Variants in CNTNAP2 observed in about 807,000 individuals in gnomAD.
CNTNAP2 encodes contactin-associated protein-like 2.
In CNTNAP2, 98 loss-of-function variants were observed where a neutral mutation model predicts 155.2. The observed-to-expected ratio is 0.63, with a 90% CI of 0.54 to 0.75. The LOEUF (loss-of-function observed/expected upper bound fraction) is 0.75, where lower values mean the gene tolerates loss of function less well. CNTNAP2 is among the 30% of genes least tolerant of loss of function. The pLI, the probability that CNTNAP2 is intolerant of heterozygous loss-of-function variation, is 0.00. For missense variants in CNTNAP2, 1,727 were observed against 1,688.1 expected, an observed-to-expected ratio of 1.02 and a Z score of -0.40; for synonymous variants, 651 against 631.2, an observed-to-expected ratio of 1.03 and a Z score of -0.47.
chr7:148,106,493 G>GAGAGATATATATATATATATATATAT (rs1554472856), intron 15 of CNTNAP2, among the ~76,000 whole-genome samples: 1 of 124,926 alleles, frequency 8.0e-6, no homozygotes, highest in African/African-American at 3.5e-5. Flanking sequence ...CACACTTTGA[G>GAGAGATATATATATATATATATATAT]ATATATATAT....
At chr7:148,053,657 A>G (rs1022213028) in intron 15 of CNTNAP2, among the ~76,000 whole-genome samples, 1 of 152,186 alleles carries the variant, frequency 6.6e-6, no homozygotes, top group Non-Finnish European at 1.5e-5. Flanking sequence ...TGATTAAATA[A>G]CCAATAAATA....
intron 1 of CNTNAP2, among the ~76,000 whole-genome samples, chr7:146,669,627 C>T (rs913310813): frequency 1.3e-5 from 2 of 151,964 alleles, no homozygotes; most frequent in African/African-American, 2.4e-5. Context: ...TTGAACATCC[C>T]GTAGATACCT....
At chr7:146,447,703 A>G (rs1639466) in intron 1 of CNTNAP2, among the ~76,000 whole-genome samples, 5,421 of 152,054 alleles carry the variant, frequency 0.036, 343 homozygotes, top group African/African-American at 0.12. Context: ...TCAGATTGCA[A>G]TAATCACAGA....
intron 15 of CNTNAP2, among the ~76,000 whole-genome samples, chr7:148,011,958 G>C (rs10273493): frequency 0.066 from 10,042 of 152,270 alleles, 754 homozygotes; most frequent in African/African-American, 0.19. Flanking sequence ...GGAGCCCAGG[G>C]CACTTTCCTG....
rs555448789 is a variant in CNTNAP2 at position 146,162,287 on chromosome 7, A to AT, written c.97+45315dup. ...ATCTGACAAAGGGCTAATATCCAGA[A>AT]TCTACAAAGAACAAATTTACAAGAA... On this transcript the variant is annotated intron_variant, in intron 1 of 23. Transcript: ENST00000361727. Among the ~76,000 whole-genome samples, 627 of 152,334 alleles carry AT rather than the reference A, an allele frequency of 4.1e-3. 4 individuals are homozygous for AT. Among genetic ancestry groups the AT allele is most frequent in the Middle Eastern group, 0.017 (5 of 294 alleles).
chr7:146,524,502 T>C (rs1386155491), intron 1 of CNTNAP2, among the ~76,000 whole-genome samples: 1 of 152,178 alleles, frequency 6.6e-6, no homozygotes, highest in African/African-American at 2.4e-5. Context: ...TGTTGTTTGG[T>C]TCCAGTTGAC....
intron 8 of CNTNAP2, among the ~76,000 whole-genome samples, chr7:147,260,288 G>A (rs945008886): frequency 6.6e-6 from 1 of 152,150 alleles, no homozygotes; most frequent in Non-Finnish European, 1.5e-5. Flanking sequence ...CATGGTTCAG[G>A]TGGGGCTTTA....
intron 4 of CNTNAP2, among the ~76,000 whole-genome samples, chr7:147,083,522 T>TTATATATATATACACATATATATATG (rs1563070210): frequency 8.5e-6 from 1 of 117,864 alleles, no homozygotes; most frequent in Admixed American, 9.1e-5. Flanking sequence ...AAACATCATT[T>TTATATATATATACACATATATATATG]TATATATATA....
At chr7:147,535,060 T>A (rs1466898798) in intron 11 of CNTNAP2, among the ~76,000 whole-genome samples, 1 of 152,158 alleles carries the variant, frequency 6.6e-6, no homozygotes, top group Non-Finnish European at 1.5e-5. Flanking sequence ...CAGGGGGTTA[T>A]TAAATATTGA....
intron 9 of CNTNAP2, among the ~76,000 whole-genome samples, chr7:147,363,165 T>C (rs1796172609): frequency 6.6e-6 from 1 of 152,114 alleles, no homozygotes; most frequent in Admixed American, 6.5e-5. Flanking sequence ...CATGAGAGTG[T>C]GGTCCTCATG....
At chr7:146,851,008 A>C (rs1349608944) in intron 3 of CNTNAP2, among the ~76,000 whole-genome samples, 1 of 152,214 alleles carries the variant, frequency 6.6e-6, no homozygotes, top group African/African-American at 2.4e-5. Flanking sequence ...TTTTTGAAAC[A>C]GAGTCTCGCT....
chr7:146,978,472 T>C (rs1052153933), intron 3 of CNTNAP2, among the ~76,000 whole-genome samples: 1 of 152,166 alleles, frequency 6.6e-6, no homozygotes, highest in Non-Finnish European at 1.5e-5. Flanking sequence ...CTACATGGTC[T>C]GTAAAGTTTC....
In CNTNAP2 at chr7:146,868,796, T is replaced by C. The variant is rs1795252742; in HGVS notation, c.402+28892T>C. Among the ~76,000 whole-genome samples, 3 of 152,302 alleles carry C rather than the reference T, an allele frequency of 2.0e-5. No homozygotes were observed. The South Asian group carries it at 6.2e-4, about 32-fold the overall frequency. On this transcript the variant is annotated intron_variant, in intron 3 of 23. Coordinates refer to ENST00000361727, the MANE Select transcript of CNTNAP2 (RefSeq NM_014141.6). ...GTGGCAATTGTGAGTGGGATTGCCC[T>C]TCTGATTTGCCTGTCTGCTTAGCTG...
intron 23 of CNTNAP2, among the ~76,000 whole-genome samples, chr7:148,414,068 TTC>T (rs1013413650): frequency 3.4e-4 from 51 of 149,192 alleles, no homozygotes; most frequent in African/African-American, 1.3e-3. Flanking sequence ...CAGTATTTTT[TTC>T]TTTTTCCATT....
intron 1 of CNTNAP2, among the ~76,000 whole-genome samples, chr7:146,664,127 C>T (rs2642505): frequency 0.81 from 119,180 of 146,522 alleles, 48,821 homozygotes; most frequent in South Asian, 0.91. Context: ...CATATACTTT[C>T]TCTTCTTAGT....
At chr7:146,855,807 GTA>G (rs367900395) in intron 3 of CNTNAP2, among the ~76,000 whole-genome samples, 7,554 of 106,172 alleles carry the variant, frequency 0.071, 180 homozygotes, top group Non-Finnish European at 0.09. Context: ...GTGTTAATGA[GTA>G]TATATATATA....
At chr7:147,366,893 A>G (rs1027851612) in intron 9 of CNTNAP2, among the ~76,000 whole-genome samples, 7 of 152,162 alleles carry the variant, frequency 4.6e-5, no homozygotes, top group African/African-American at 1.2e-4. Flanking sequence ...TCGCAATATA[A>G]TTTATTATAT....
chr7:146,469,646 C>T (rs116563888), intron 1 of CNTNAP2, among the ~76,000 whole-genome samples: 95 of 151,206 alleles, frequency 6.3e-4, no homozygotes, highest in African/African-American at 2.3e-3. Flanking sequence ...TCTTAGCCTC[C>T]CTAGTAGCTG....
chr7:146,855,062 T>A (rs1043063142), intron 3 of CNTNAP2, among the ~76,000 whole-genome samples: 1 of 151,980 alleles, frequency 6.6e-6, no homozygotes, highest in Admixed American at 6.6e-5. Flanking sequence ...TCAAACAAAA[T>A]ATATAAAATT....
Sources: gnomAD v4.1 joint callset for allele counts (sites outside exome capture counted in the v4.1 genomes callset) on GRCh38, gnomAD v4.1.1 for gene constraint, MANE v1.5 for transcripts, NCBI Gene and HGNC (gene_info 2026-07-23, HGNC 2026-07-21) for gene names.